The following CSMD1 variants were observed in gnomAD, a reference collection of about 807,000 sequenced individuals.
CSMD1 encodes the protein CUB and Sushi multiple domains 1.
CSMD1 carries 213 observed loss-of-function variants against 417.5 expected under a neutral mutation model. The observed-to-expected ratio is 0.51, with a 90% CI of 0.46 to 0.57. The LOEUF (loss-of-function observed/expected upper bound fraction) is 0.57. CSMD1 is among the 20% of genes least tolerant of loss of function. CSMD1 has a pLI of 0.00. For missense variants in CSMD1, 6,923 were observed against 4,529.7 expected, an observed-to-expected ratio of 1.53 and a Z score of -15.17; for synonymous variants, 2,862 against 1,736.8, an observed-to-expected ratio of 1.65 and a Z score of -16.11.
At chr8:3,467,289 G>A (rs563738358) in intron 12 of CSMD1, among the ~76,000 whole-genome samples, 1 of 152,200 alleles carries the variant, frequency 6.6e-6, no homozygotes, top group South Asian at 2.1e-4. Context: ...ATGCTGCTGA[G>A]ATGAATTTAC....
intron 7 of CSMD1, among the ~76,000 whole-genome samples, chr8:3,625,862 A>G (rs1364873169): frequency 6.6e-6 from 1 of 152,194 alleles, no homozygotes; most frequent in Non-Finnish European, 1.5e-5. Flanking sequence ...GATTTTTCAT[A>G]AGGGCTCAGA....
chr8:4,141,730 A>G (rs1803803901), intron 3 of CSMD1, among the ~76,000 whole-genome samples: 1 of 151,120 alleles, frequency 6.6e-6, no homozygotes, highest in South Asian at 2.1e-4. Context: ...TCTTGCAACT[A>G]AAAACGGATA....
chr8:3,587,128 C>A (rs1416322463), intron 8 of CSMD1, among the ~76,000 whole-genome samples: 1 of 152,212 alleles, frequency 6.6e-6, no homozygotes, highest in Non-Finnish European at 1.5e-5. Flanking sequence ...ATCCATCCAG[C>A]CTGGATTTAG....
intron 3 of CSMD1, among the ~76,000 whole-genome samples, chr8:4,366,454 C>T (rs915171828): frequency 2.6e-5 from 4 of 152,190 alleles, no homozygotes; most frequent in African/African-American, 9.7e-5. Context: ...AAAGGTGGGA[C>T]TGCTGGTTTA....
rs150674577 is a variant in CSMD1, at chr8:3,797,746, T to G, written c.819-43704A>C. Among the ~76,000 whole-genome samples the G allele has an allele frequency of 4.5e-4, 69 of 152,074 alleles. No homozygotes were observed. The East Asian group carries it at 0.013, about 28-fold the overall frequency. On this transcript the variant is annotated intron_variant, in intron 5 of 69. Transcript: ENST00000635120. ...ACATATTCTTATACAAAATATTTTG[T>G]GGACACGTATTTTCATTAAACGTGA...
intron 2 of CSMD1, among the ~76,000 whole-genome samples, chr8:4,434,348 A>G (rs1798034534): frequency 6.6e-6 from 1 of 152,188 alleles, no homozygotes; most frequent in African/African-American, 2.4e-5. Flanking sequence ...CCTGGGCAAC[A>G]GCATGAGACT....
intron 3 of CSMD1, among the ~76,000 whole-genome samples, chr8:4,354,875 T>A (rs1316361171): frequency 7.2e-6 from 1 of 139,196 alleles, no homozygotes; most frequent in African/African-American, 2.9e-5. Flanking sequence ...AGTGTGTGTG[T>A]GTGTGTGTGT....
intron 3 of CSMD1, among the ~76,000 whole-genome samples, chr8:4,255,553 C>T (rs1803395000): frequency 6.6e-6 from 1 of 152,062 alleles, no homozygotes; most frequent in Non-Finnish European, 1.5e-5. Flanking sequence ...TTGTTTTTAT[C>T]TTCTAGATAG....
chr8:4,800,378 C>G (rs1798213581), intron 1 of CSMD1, among the ~76,000 whole-genome samples: 1 of 147,854 alleles, frequency 6.8e-6, no homozygotes, highest in African/African-American at 2.5e-5. Context: ...TTGCAGTGAG[C>G]TGAGATCAGA....
At chr8:4,359,447 A>G (rs1278282795) in intron 3 of CSMD1, among the ~76,000 whole-genome samples, 1 of 152,214 alleles carries the variant, frequency 6.6e-6, no homozygotes, top group Non-Finnish European at 1.5e-5. Context: ...CGAGCAATTT[A>G]AAGCTAAGCC....
chr8:4,252,393 C>T (rs150413139), intron 3 of CSMD1, among the ~76,000 whole-genome samples: 60 of 152,242 alleles, frequency 3.9e-4, no homozygotes, highest in African/African-American at 1.4e-3. Context: ...TGTCTTTTTC[C>T]AGTGATCAAA....
At chr8:3,829,201 C>T (rs1429960597) in intron 5 of CSMD1, among the ~76,000 whole-genome samples, 1 of 152,098 alleles carries the variant, frequency 6.6e-6, no homozygotes, top group Admixed American at 6.6e-5. Context: ...CCCCCAAGTC[C>T]TCAAAGTCCA....
At chr8:3,111,643 C>A (rs1816522812) in intron 42 of CSMD1, among the ~76,000 whole-genome samples, 1 of 152,000 alleles carries the variant, frequency 6.6e-6, no homozygotes, top group Non-Finnish European at 1.5e-5. Context: ...ACCAGCCTGA[C>A]CAACATGGGG....
intron 10 of CSMD1, among the ~76,000 whole-genome samples, chr8:3,508,074 T>C (rs1047195888): frequency 6.6e-6 from 1 of 152,166 alleles, no homozygotes; most frequent in Non-Finnish European, 1.5e-5. Context: ...AGACATGAGG[T>C]CCTTGCCCAT....
chr8:3,608,235 C>T (rs1370771413), intron 8 of CSMD1, among the ~76,000 whole-genome samples: 2 of 151,486 alleles, frequency 1.3e-5, no homozygotes, highest in Non-Finnish European at 1.5e-5. Context: ...GCAGGTGCCA[C>T]CTGCAGAGGA....
At chr8:4,447,331 T>C (rs530531034) in intron 2 of CSMD1, among the ~76,000 whole-genome samples, 1 of 152,288 alleles carries the variant, frequency 6.6e-6, no homozygotes, top group South Asian at 2.1e-4. Flanking sequence ...TATCAGAATG[T>C]GGTCATTCAA....
At chr8:4,877,788 G>A (rs1009352034) in intron 1 of CSMD1, among the ~76,000 whole-genome samples, 5 of 152,090 alleles carry the variant, frequency 3.3e-5, no homozygotes, top group Non-Finnish European at 2.9e-5. Context: ...CAGTCCTAGA[G>A]ATTTGGTGAC....
At chr8:4,344,183 G>A (rs1298917844) in intron 3 of CSMD1, among the ~76,000 whole-genome samples, 2 of 152,070 alleles carry the variant, frequency 1.3e-5, no homozygotes, top group Non-Finnish European at 2.9e-5. Context: ...TATATTTTCA[G>A]ATTTCTCTGT....
At chr8:3,711,181 C>A (rs1531745) in intron 6 of CSMD1, among the ~76,000 whole-genome samples, 1 of 152,168 alleles carries the variant, frequency 6.6e-6, no homozygotes, top group East Asian at 1.9e-4. Flanking sequence ...AAGGAACATA[C>A]AAACTTTGAG....
Sources: gnomAD v4.1 joint callset for allele counts (sites outside exome capture counted in the v4.1 genomes callset) on GRCh38, gnomAD v4.1.1 for gene constraint, MANE v1.5 for transcripts, NCBI Gene and HGNC (gene_info 2026-07-23, HGNC 2026-07-21) for gene names.